The following CRLS1 variants were observed in gnomAD, a reference collection of about 807,000 sequenced individuals.
CRLS1 encodes cardiolipin synthase (CMP-forming).
A neutral mutation model predicts 37.0 loss-of-function variants in CRLS1; 24 were observed. The observed-to-expected ratio is 0.65, with a 90% CI of 0.47 to 0.91. The LOEUF (loss-of-function observed/expected upper bound fraction) is 0.91. Among genes scored for constraint, CRLS1 ranks in the 40% least tolerant of loss-of-function variants. The pLI is 0.00. For missense variants in CRLS1, 373 were observed against 395.8 expected, an observed-to-expected ratio of 0.94 and a Z score of 0.49; for synonymous variants, 135 against 159.7, an observed-to-expected ratio of 0.85 and a Z score of 1.17.
At chr20:6,016,096 T>C (rs1406439763) in intron 3 of CRLS1, 1 of 154,698 alleles carries the variant, frequency 6.5e-6, no homozygotes, top group Non-Finnish European at 1.4e-5. Context: ...TAAACTGTTT[T>C]TTTCCCAAGA....
chr20:6,006,409 G>T lies in CRLS1; in HGVS notation c.163G>T (p.Ala55Ser). 1 of 1,408,138 alleles carries T rather than the reference G, an allele frequency of 7.1e-7. No individual in the cohort carries two copies. The highest frequency in any genetic ancestry group is 9.3e-7 in the Non-Finnish European group (1 of 1,079,832). The allele number at this position is 1,408,138 out of a possible 1,614,324, so 87.2% of individuals were successfully genotyped here. A position where few individuals can be genotyped will look rare whatever the true frequency, so the allele number is the denominator to read the frequency against. Residue 55 changes from alanine to serine, a missense_variant, in exon 1 of 7, where the codon GCT becomes TCT. Physicochemically the swap from Ala to Ser is moderately conservative, Grantham distance 99 (BLOSUM62 1). Transcript: ENST00000378863. Reference sequence around the variant, plus strand: ...CGAACGCTGGAGGCTGCGTCCGGCCGCTCTTGGCTTGCGGCTGCCCGGGAT... The same window carrying T: ...CGAACGCTGGAGGCTGCGTCCGGCCTCTCTTGGCTTGCGGCTGCCCGGGAT... Reference protein sequence around the residue: ...LAERWRLRPAALGLRLPGIGQ... With the variant: ...LAERWRLRPASLGLRLPGIGQ...
chr20:6,035,970 A>G lies in CRLS1; in HGVS notation c.822-1104A>G, dbSNP rs552744138. Among the ~76,000 whole-genome samples, 4 of 151,940 alleles carry G rather than the reference A, an allele frequency of 2.6e-5. No homozygotes were observed. In the East Asian group the frequency reaches 7.8e-4, roughly 29 times the overall value. On this transcript the variant is annotated intron_variant, in intron 6 of 6. Coordinates refer to ENST00000378863, the MANE Select transcript of CRLS1 (RefSeq NM_019095.6). ...CAGGCGCCCACCACCATACCTGGCC[A>G]ATTTTTGTATTTTTAGTAAAGGCGG...
At chr20:6,020,598 A>T (rs546193399) in intron 3 of CRLS1, among the ~76,000 whole-genome samples, 2 of 151,654 alleles carry the variant, frequency 1.3e-5, no homozygotes, top group South Asian at 4.2e-4. Context: ...TGTTCTTCAT[A>T]GGTCTATTAG....
rs77279792 is a variant in CRLS1 at position 6,031,461 on chromosome 20, A to G, written c.660+91A>G. 8.4e-5 allele frequency: 77 copies of G among 919,004 alleles called. No homozygotes were observed. In the African/African-American group the frequency reaches 1.0e-3, roughly 12 times the overall value. The allele number at this position is 919,004 out of a possible 1,614,324, so 56.9% of individuals were successfully genotyped here. Reference sequence around the variant, plus strand: ...ATATTTTTGCGTCAACATCTTTTCAATTGATGGCACGTGAAACCCAGACTA... The same window carrying G: ...ATATTTTTGCGTCAACATCTTTTCAGTTGATGGCACGTGAAACCCAGACTA... On this transcript the variant is annotated intron_variant, in intron 4 of 6. Coordinates refer to ENST00000378863, the MANE Select transcript of CRLS1 (RefSeq NM_019095.6).
At chr20:6,018,017 A>C (rs1365097651) in intron 3 of CRLS1, among the ~76,000 whole-genome samples, 6 of 152,018 alleles carry the variant, frequency 3.9e-5, no homozygotes, top group Non-Finnish European at 8.8e-5. Context: ...TAGGAGTTCA[A>C]GAGTAGCCTG....
At chr20:6,007,417 T>C (rs1461786063) in intron 1 of CRLS1, 3 of 1,613,248 alleles carry the variant, frequency 1.9e-6, no homozygotes, top group Admixed American at 3.3e-5. Context: ...ACAGGTTATC[T>C]GGTTGAGTAA....
intron 3 of CRLS1, among the ~76,000 whole-genome samples, chr20:6,022,051 T>C (rs991444035): frequency 1.3e-5 from 2 of 152,218 alleles, no homozygotes; most frequent in Non-Finnish European, 2.9e-5. Flanking sequence ...TATCTTCATA[T>C]TTATTACTTT....
rs201328640 is a variant in CRLS1 at position 6,013,017 on chromosome 20, CAT to C, written c.445-2343_445-2342del. 7.6e-3 allele frequency among the ~76,000 whole-genome samples: 1,156 copies of C among 152,168 alleles called. 2 individuals carry two copies. Among genetic ancestry groups the C allele is most frequent in the Non-Finnish European group, 0.011 (744 of 68,010 alleles). On this transcript the variant is annotated intron_variant, in intron 2 of 6. Transcript: ENST00000378863. ...GACGATTGGAGTGGGTCGATGAACACATGTGAGATGGTAATGACATTGGACGT... is the reference window on the plus strand; with the variant it reads ...GACGATTGGAGTGGGTCGATGAACACGTGAGATGGTAATGACATTGGACGT...
At chr20:6,031,163 T>A in intron 3 of CRLS1, 122 bp from the exon 4 acceptor site, 1 of 600,248 alleles carries the variant, frequency 1.7e-6, no homozygotes, top group Non-Finnish European at 2.7e-6. Flanking sequence ...GTGTTCATTA[T>A]AAAATTTCTA....
At chr20:6,006,980 C>T (rs1386604187) in intron 1 of CRLS1, 2 of 297,214 alleles carry the variant, frequency 6.7e-6, no homozygotes, top group Admixed American at 6.5e-5. Context: ...ATCATTTGAC[C>T]TTTGGTAACC....
chr20:6,006,651 G>A, intron 1 of CRLS1, 99 bp downstream of exon 1: 4 of 1,213,136 alleles, frequency 3.3e-6, no homozygotes, highest in Non-Finnish European at 4.1e-6. Flanking sequence ...GGACGCTTCC[G>A]TTTCCTAACT....
At chr20:6,030,914 T>G (rs1303150949) in intron 3 of CRLS1, among the ~76,000 whole-genome samples, 1 of 152,150 alleles carries the variant, frequency 6.6e-6, no homozygotes, top group Non-Finnish European at 1.5e-5. Context: ...TTTTCAAATG[T>G]GCAGAGCTTA....
At chr20:6,024,170 G>T (rs2122985073) in intron 3 of CRLS1, among the ~76,000 whole-genome samples, 1 of 152,174 alleles carries the variant, frequency 6.6e-6, no homozygotes, top group East Asian at 1.9e-4. Flanking sequence ...TGCCCAAGCT[G>T]CTCTCGAACT....
intron 1 of CRLS1, chr20:6,007,448 C>G: frequency 6.2e-7 from 1 of 1,600,382 alleles, no homozygotes; most frequent in South Asian, 1.1e-5. Flanking sequence ...GCTCTCCTAA[C>G]ATTAACTTTG....
In CRLS1 at chr20:6,006,185, C is replaced by A; in HGVS notation, c.-62C>A. ...GCCGGGTCTCCATGGAGAAGCGGCT[C>A]GCCAGTGTCCCAGGCTGCTGAGCTC... On this transcript the variant is annotated 5_prime_UTR_variant, in exon 1 of 7. Coordinates refer to ENST00000378863, the MANE Select transcript of CRLS1 (RefSeq NM_019095.6). The A allele has an allele frequency of 1.0e-6, 1 of 998,320 alleles. No homozygotes were observed. The highest frequency in any genetic ancestry group is 1.3e-6 in the Non-Finnish European group (1 of 780,406). 61.8% of individuals were successfully genotyped at this position (998,320 alleles called of 1,614,324 possible).
At chr20:6,015,537 C>T in intron 3 of CRLS1, 47 bp downstream of exon 3, 1 of 1,578,434 alleles carries the variant, frequency 6.3e-7, no homozygotes, top group Non-Finnish European at 8.7e-7. Context: ...GGAAGAATGA[C>T]ATTAGTCAGC....
At chr20:6,017,993 G>A (rs1978893598) in intron 3 of CRLS1, among the ~76,000 whole-genome samples, 2 of 151,908 alleles carry the variant, frequency 1.3e-5, no homozygotes, top group Non-Finnish European at 2.9e-5. Flanking sequence ...TGAGGTGGGC[G>A]GATCACTTGA....
At chr20:6,030,123 T>G (rs549143444) in intron 3 of CRLS1, among the ~76,000 whole-genome samples, 123 of 149,122 alleles carry the variant, frequency 8.2e-4, no homozygotes, top group Admixed American at 1.4e-3. Context: ...GAACTCAGGC[T>G]TTTTTTTTTC....
At chr20:6,028,030 C>A (rs1979862273) in intron 3 of CRLS1, among the ~76,000 whole-genome samples, 2 of 152,180 alleles carry the variant, frequency 1.3e-5, no homozygotes, top group South Asian at 4.1e-4. Flanking sequence ...CCTTTCATTT[C>A]TTTACTGTCA....
Sources: gnomAD v4.1 joint callset for allele counts (sites outside exome capture counted in the v4.1 genomes callset) on GRCh38, gnomAD v4.1.1 for gene constraint, MANE v1.5 for transcripts, NCBI Gene and HGNC (gene_info 2026-07-23, HGNC 2026-07-21) for gene names.